The following COL4A1 variants were observed in gnomAD, a reference collection of about 807,000 sequenced individuals.
COL4A1 encodes collagen alpha-1(IV) chain.
A neutral mutation model predicts 216.6 loss-of-function variants in COL4A1; 40 were observed. That is an observed-to-expected ratio of 0.18 (90% CI 0.14 to 0.24). The LOEUF is 0.24. COL4A1 is among the 10% of genes least tolerant of loss of function. The pLI, the probability that COL4A1 is intolerant of heterozygous loss-of-function variation, is 1.00. For synonymous variants in COL4A1, 839 were observed against 810.7 expected, an observed-to-expected ratio of 1.03 and a Z score of -0.59; for missense variants, 1,628 against 2,196.8, an observed-to-expected ratio of 0.74 and a Z score of 5.18.
chr13:110,193,890 G>C lies in COL4A1; in HGVS notation c.1382-977C>G, dbSNP rs558157128. Among the ~76,000 whole-genome samples, 82 of 152,350 alleles carry C rather than the reference G, an allele frequency of 5.4e-4. No homozygotes were observed. The South Asian group carries it at 0.016, about 30-fold the overall frequency. On this transcript the variant is annotated intron_variant, in intron 22 of 51. Transcript: ENST00000375820. ...GTTCTGGGCACTGGGGCATTCGTGG[G>C]TGTGTCTGTTCGCAAGGCTTCAGGT...
chr13:110,276,146 C>T (rs1883419625), intron 1 of COL4A1, among the ~76,000 whole-genome samples: 1 of 151,956 alleles, frequency 6.6e-6, no homozygotes, highest in African/African-American at 2.4e-5. Flanking sequence ...ATGGGAGAGG[C>T]CATGCGTGTG....
intron 2 of COL4A1, among the ~76,000 whole-genome samples, chr13:110,222,211 C>T (rs1880516627): frequency 6.6e-6 from 1 of 152,120 alleles, no homozygotes; most frequent in African/African-American, 2.4e-5. Flanking sequence ...CCCCGGCGGG[C>T]CCTGGCACCT....
chr13:110,234,135 C>A (rs1430789208), intron 2 of COL4A1, among the ~76,000 whole-genome samples: 1 of 152,350 alleles, frequency 6.6e-6, no homozygotes, highest in East Asian at 1.9e-4. Context: ...CCATTCAGTT[C>A]TTTTAGCAAC....
intron 1 of COL4A1, among the ~76,000 whole-genome samples, chr13:110,272,812 A>G (rs1883293521): frequency 6.6e-6 from 1 of 152,146 alleles, no homozygotes; most frequent in South Asian, 2.1e-4. Context: ...TTGGAATGTC[A>G]CCTCTACTAT....
intron 2 of COL4A1, among the ~76,000 whole-genome samples, chr13:110,228,242 G>C (rs1199354344): frequency 1.3e-5 from 2 of 150,352 alleles, no homozygotes; most frequent in African/African-American, 4.9e-5. Context: ...GGGGGCGGGG[G>C]GGGGGTCTAC....
At chr13:110,226,481 T>TC (rs1468042587) in intron 2 of COL4A1, among the ~76,000 whole-genome samples, 1 of 152,170 alleles carries the variant, frequency 6.6e-6, no homozygotes, top group Non-Finnish European at 1.5e-5. Flanking sequence ...GATAACATTT[T>TC]CCCCCAGCAT....
intron 33 of COL4A1, 114 bp downstream of exon 33, chr13:110,177,728 A>G (rs1231108665): frequency 9.1e-7 from 1 of 1,100,078 alleles, no homozygotes; most frequent in Admixed American, 1.8e-5. Context: ...GATGTTCCTA[A>G]CTTCTTTTGT....
intron 2 of COL4A1, among the ~76,000 whole-genome samples, chr13:110,233,328 C>A (rs149831160): frequency 6.6e-6 from 1 of 151,986 alleles, no homozygotes; most frequent in Non-Finnish European, 1.5e-5. Flanking sequence ...GCATTGCAAA[C>A]GCCAGACAAA....
intron 11 of COL4A1, 98 bp from the exon 12 acceptor site, chr13:110,208,988 CAGGCAAT>C: frequency 8.2e-7 from 1 of 1,219,784 alleles, no homozygotes; most frequent in Non-Finnish European, 1.2e-6. Flanking sequence ...TGGTAGATTT[CAGGCAAT>C]AGCTTTGTCC....
chr13:110,188,997 C>CA (rs751273310), intron 24 of COL4A1, among the ~76,000 whole-genome samples: 1 of 152,074 alleles, frequency 6.6e-6, no homozygotes, highest in Non-Finnish European at 1.5e-5. Context: ...TTAAATAACA[C>CA]AAAAAATGCA....
Position 110,166,260 on chromosome 13 carries a change from T to C in COL4A1, c.3993A>G (p.Gln1331=). The C allele has an allele frequency of 6.2e-7, 1 of 1,612,222 alleles. No homozygotes were observed. The highest frequency in any genetic ancestry group is 8.5e-7 in the Non-Finnish European group (1 of 1,178,198). ...TAGCTCCCGGGACGCCTTGATCGCC[T>C]TGATCACCTTTAATTCCCTGGAGGC... ...LPGLQGIKGD[Q]GDQGVPGAKG... The change falls in exon 45 of 52, where the codon CAA becomes CAG. Residue 1331 remains glutamine, a synonymous_variant. Coordinates refer to ENST00000375820, the MANE Select transcript of COL4A1 (RefSeq NM_001845.6).
rs41275090 is a variant in COL4A1, at chr13:110,177,911, C to T, written c.2647G>A (p.Val883Ile). Residue 883 changes from valine to isoleucine, a missense_variant, in exon 33 of 52, where the codon GTC becomes ATC. Physicochemically the swap from Val to Ile is conservative, Grantham distance 29. Coordinates refer to ENST00000375820, the MANE Select transcript of COL4A1 (RefSeq NM_001845.6). ...GFPGSKGEMGVMGTPGQPGSP... is the reference protein window; with the variant it reads ...GFPGSKGEMGIMGTPGQPGSP... ...CCCGGCTGCCCGGGGGTCCCCATGACGCCCATTTCTCCCTTGGAACCTGTG... is the reference window on the plus strand; with the variant it reads ...CCCGGCTGCCCGGGGGTCCCCATGATGCCCATTTCTCCCTTGGAACCTGTG... 2,259 of 1,614,134 alleles carry T rather than the reference C, an allele frequency of 1.4e-3. 45 individuals carry two copies. In the Admixed American group the frequency reaches 0.026, roughly 18 times the overall value.
In COL4A1 at chr13:110,307,069, C is replaced by G; in HGVS notation, c.-42G>C. ...CGGCGAGGGACGGCTGCCCGGCGTG[C>G]GGGGGCCGCGGCGGACAGCTAGCTC... On this transcript the variant is annotated 5_prime_UTR_variant, in exon 1 of 52. Coordinates refer to ENST00000375820, the MANE Select transcript of COL4A1 (RefSeq NM_001845.6). This position sits in a 1 kb window ranked among gnomAD's most constrained non-coding sequence, Gnocchi z 5.0. 7.2e-7 allele frequency: 1 copy of G among 1,394,264 alleles called. No homozygotes were observed. The highest frequency in any genetic ancestry group is 1.5e-5 in the South Asian group (1 of 67,072). The allele number at this position is 1,394,264 out of a possible 1,614,324, so 86.4% of individuals were successfully genotyped here.
chr13:110,236,450 A>T (rs1384310157), intron 2 of COL4A1, among the ~76,000 whole-genome samples: 1 of 152,262 alleles, frequency 6.6e-6, no homozygotes, highest in African/African-American at 2.4e-5. Context: ...GCGTTGATTA[A>T]TTAATCATGT....
At chr13:110,270,717 G>C (rs1883214644) in intron 1 of COL4A1, among the ~76,000 whole-genome samples, 1 of 152,212 alleles carries the variant, frequency 6.6e-6, no homozygotes, top group African/African-American at 2.4e-5. Flanking sequence ...GGCCGAAACT[G>C]TGCCCTTAGT....
chr13:110,181,965 T>G (rs9521636), intron 28 of COL4A1, among the ~76,000 whole-genome samples: 2 of 152,026 alleles, frequency 1.3e-5, no homozygotes, highest in Non-Finnish European at 2.9e-5. Context: ...ATTTGTAAGT[T>G]TGCAGTGGCA....
intron 31 of COL4A1, 148 bp downstream of exon 31, chr13:110,178,775 C>T (rs1480356842): frequency 1.6e-5 from 11 of 674,140 alleles, no homozygotes; most frequent in Non-Finnish European, 2.6e-5. Context: ...ACAATCAAAC[C>T]TATTTTCACA....
intron 1 of COL4A1, among the ~76,000 whole-genome samples, chr13:110,270,816 A>G (rs1260206896): frequency 1.3e-5 from 2 of 152,216 alleles, no homozygotes; most frequent in African/African-American, 4.8e-5. Flanking sequence ...ACACCACAGT[A>G]GCAATGGGCA....
intron 1 of COL4A1, among the ~76,000 whole-genome samples, chr13:110,270,908 G>A (rs1259686456): frequency 4.6e-5 from 7 of 152,152 alleles, no homozygotes; most frequent in Admixed American, 4.6e-4. Context: ...TTCAGGGGTG[G>A]GGCAGGGAGA....
Sources: gnomAD v4.1 joint callset for allele counts (sites outside exome capture counted in the v4.1 genomes callset) on GRCh38, gnomAD v4.1.1 for gene constraint, Gnocchi (gnomAD v3.1) non-coding constraint, MANE v1.5 for transcripts, NCBI Gene and HGNC (gene_info 2026-07-23, HGNC 2026-07-21) for gene names.